C3orf33: variants seen among roughly 807,000 people sequenced by gnomAD.
C3orf33 encodes mitochondrial inner membrane subdomain organizer 1, also known as AP-1 activity suppressor.
A neutral mutation model predicts 28.7 loss-of-function variants in C3orf33; 23 were observed. That is an observed-to-expected ratio of 0.80 (90% CI 0.58 to 1.13). C3orf33 has a LOEUF of 1.13. Ranked by LOEUF, C3orf33 falls within the 50% of genes most tolerant of loss-of-function variation. The probability of loss-of-function intolerance (pLI) is 0.00; values close to 1 mark genes in which losing one functional copy is unlikely to be tolerated. For synonymous variants in C3orf33, 119 were observed against 120.5 expected (o/e 0.99, Z 0.08); for missense variants, 327 against 353.4 (o/e 0.93, Z 0.60).
chr3:155,766,488 T>C (rs1006485223), intron 4 of C3orf33, among the ~76,000 whole-genome samples: 1 of 152,238 alleles, frequency 6.6e-6, no homozygotes, highest in African/African-American at 2.4e-5. Context: ...CAACAACATA[T>C]TGGACCAGAC....
At chr3:155,768,357 C>T (rs1441077762) in intron 3 of C3orf33, among the ~76,000 whole-genome samples, 3 of 152,162 alleles carry the variant, frequency 2.0e-5, no homozygotes, top group African/African-American at 7.2e-5. Context: ...TTTCACTTAA[C>T]TTATTGAAGA....
chr3:155,798,917 T>C (rs1192013539), intron 2 of C3orf33, among the ~76,000 whole-genome samples: 1 of 151,540 alleles, frequency 6.6e-6, no homozygotes, highest in Non-Finnish European at 1.5e-5. Context: ...CTCAAGCAAC[T>C]CTACAGGAAA....
chr3:155,793,374 T>TA (rs1413693772), intron 2 of C3orf33, among the ~76,000 whole-genome samples: 3,698 of 108,608 alleles, frequency 0.034, 158 homozygotes, highest in African/African-American at 0.1. Context: ...TCAATCTGAT[T>TA]AAAAAAAAAA....
chr3:155,769,396 G>A (rs1316526568), intron 3 of C3orf33, among the ~76,000 whole-genome samples: 2 of 148,608 alleles, frequency 1.3e-5, no homozygotes, highest in East Asian at 2.0e-4. Context: ...GCTGAGGCAC[G>A]AGAATCACTT....
chr3:155,790,007 T>C (rs1299262658), intron 2 of C3orf33, among the ~76,000 whole-genome samples: 1 of 151,180 alleles, frequency 6.6e-6, no homozygotes, highest in African/African-American at 2.4e-5. Flanking sequence ...TACCAAAAAA[T>C]ACAAAAATTA....
Position 155,767,630 on chromosome 3 carries a change from A to G in C3orf33, c.362T>C (p.Val121Ala). The G allele has an allele frequency of 6.3e-7, 1 of 1,580,156 alleles. No homozygotes were observed. Among genetic ancestry groups the G allele is most frequent in the Non-Finnish European group, 8.6e-7 (1 of 1,159,494 alleles). The change falls in exon 4 of 5, where the codon GTA becomes GCA. Residue 121 changes from valine to alanine, a missense_variant. Transcript: ENST00000340171. ...RGALLVKLAG[V>A]ELAETGKAWL... The stretch of plus-strand genomic sequence containing the variant: ...TGCCTTCCCAGTTTCAGCGAGTTCT[A>G]CTCCAGCCAACTTAACCAGCAAAGC...
chr3:155,795,569 T>A (rs1244936660), intron 2 of C3orf33, among the ~76,000 whole-genome samples: 3 of 152,262 alleles, frequency 2.0e-5, no homozygotes, highest in African/African-American at 7.2e-5. Flanking sequence ...TCTTGGAAAC[T>A]ATACAAACAC....
At chr3:155,782,224 T>C (rs977159451) in intron 2 of C3orf33, among the ~76,000 whole-genome samples, 2 of 133,736 alleles carry the variant, frequency 1.5e-5, no homozygotes, top group African/African-American at 2.8e-5. Flanking sequence ...AAAAAAAAGA[T>C]TGAAGAAAAG....
At chr3:155,803,165 C>T (rs1374028172) in intron 1 of C3orf33, among the ~76,000 whole-genome samples, 1 of 152,050 alleles carries the variant, frequency 6.6e-6, no homozygotes, top group African/African-American at 2.4e-5. Flanking sequence ...TTCATTTAAA[C>T]TGGGGTAGGC....
chr3:155,784,495 T>C (rs1452050216), intron 2 of C3orf33, among the ~76,000 whole-genome samples: 1 of 152,074 alleles, frequency 6.6e-6, no homozygotes, highest in Non-Finnish European at 1.5e-5. Context: ...ATCCCAGCAC[T>C]TTGGCAGGCC....
At chr3:155,777,171 G>A (rs146180129) in intron 2 of C3orf33, among the ~76,000 whole-genome samples, 107 of 151,960 alleles carry the variant, frequency 7.0e-4, no homozygotes, top group African/African-American at 2.3e-3. Flanking sequence ...AAAATTAGTC[G>A]GGCGTGGTGG....
At chr3:155,785,107 C>A (rs911908879) in intron 2 of C3orf33, among the ~76,000 whole-genome samples, 2 of 149,438 alleles carry the variant, frequency 1.3e-5, no homozygotes, top group African/African-American at 4.9e-5. Flanking sequence ...GACTTTAAAT[C>A]AAAAAAAGTT....
chr3:155,794,969 C>T (rs59743478), intron 2 of C3orf33, among the ~76,000 whole-genome samples: 2,537 of 152,164 alleles, frequency 0.017, 73 homozygotes, highest in African/African-American at 0.058. Context: ...TAGCTGGAGA[C>T]GTGAACACCC....
intron 4 of C3orf33, 35 bp from the exon 5 acceptor site, chr3:155,763,953 AG>A: frequency 3.8e-6 from 5 of 1,322,304 alleles, no homozygotes; most frequent in Non-Finnish European, 4.9e-6. Context: ...CAATTATTTA[AG>A]ATAATTGTTG....
At chr3:155,765,977 T>C (rs1750391044) in intron 4 of C3orf33, among the ~76,000 whole-genome samples, 1 of 152,272 alleles carries the variant, frequency 6.6e-6, no homozygotes, top group South Asian at 2.1e-4. Flanking sequence ...TCATTAAGCT[T>C]TCTATTAATA....
intron 2 of C3orf33, among the ~76,000 whole-genome samples, chr3:155,799,896 A>T (rs1412159090): frequency 1.3e-5 from 2 of 152,166 alleles, no homozygotes; most frequent in Admixed American, 6.5e-5. Context: ...AGAGAGTAGA[A>T]TAATGGTTGC....
chr3:155,797,135 G>T (rs999054012), intron 2 of C3orf33, among the ~76,000 whole-genome samples: 1 of 152,010 alleles, frequency 6.6e-6, no homozygotes, highest in Non-Finnish European at 1.5e-5. Flanking sequence ...GCAGTAGCCG[G>T]GGTCACACCA....
At chr3:155,763,945 A>T (rs1471998275) in intron 4 of C3orf33, 27 bp from the exon 5 acceptor site, 8 of 1,325,820 alleles carry the variant, frequency 6.0e-6, no homozygotes, top group Non-Finnish European at 7.8e-6. Flanking sequence ...ATACAAACCA[A>T]TTATTTAAGA....
chr3:155,784,564 A>C (rs1292094100), intron 2 of C3orf33, among the ~76,000 whole-genome samples: 1 of 151,900 alleles, frequency 6.6e-6, no homozygotes, highest in East Asian at 1.9e-4. Context: ...ACATGGTGAA[A>C]CCCTGTCTCT....
Sources: gnomAD v4.1 joint callset for allele counts (sites outside exome capture counted in the v4.1 genomes callset) on GRCh38, gnomAD v4.1.1 for gene constraint, MANE v1.5 for transcripts, NCBI Gene and HGNC (gene_info 2026-07-23, HGNC 2026-07-21) for gene names.